GGA2: variants seen among roughly 807,000 people sequenced by gnomAD.
GGA2 encodes golgi associated, gamma adaptin ear containing, ARF binding protein 2, also known as ADP-ribosylation factor-binding protein GGA2.
A neutral mutation model predicts 79.5 loss-of-function variants in GGA2; 48 were observed. The observed-to-expected ratio is 0.60, with a 90% CI of 0.48 to 0.77. The LOEUF is 0.77. Among genes scored for constraint, GGA2 ranks in the 30% least tolerant of loss-of-function variants. The pLI is 0.00. For synonymous variants in GGA2, 317 were observed against 302.0 expected (o/e 1.05, Z -0.51); for missense variants, 770 against 774.0 (o/e 0.99, Z 0.06).
At chr16:23,480,458 G>A (rs946873683) in intron 10 of GGA2, 187 bp downstream of exon 10, 8 of 535,670 alleles carry the variant, frequency 1.5e-5, no homozygotes, top group Non-Finnish European at 2.6e-5. Context: ...GGTCCAGCCC[G>A]GCAACCAGCT....
At chr16:23,495,551 T>G in intron 2 of GGA2, 143 bp downstream of exon 2, 2 of 448,606 alleles carry the variant, frequency 4.5e-6, no homozygotes, top group Non-Finnish European at 4.0e-6. Flanking sequence ...CCTGCCTTGG[T>G]CTCCCAAACT....
At chr16:23,491,079 C>G (rs1048933177) in intron 5 of GGA2, among the ~76,000 whole-genome samples, 3 of 151,576 alleles carry the variant, frequency 2.0e-5, no homozygotes, top group African/African-American at 7.3e-5. Flanking sequence ...GAGACAGAGA[C>G]AGAGAGAGAG....
intron 10 of GGA2, 54 bp downstream of exon 10, chr16:23,480,591 G>A: frequency 6.6e-7 from 1 of 1,517,006 alleles, no homozygotes; most frequent in Admixed American, 1.8e-5. Flanking sequence ...TTCTTTTCTG[G>A]GAATTACAGG....
upstream of GGA2, chr16:23,524,330 A>C: frequency 6.4e-7 from 1 of 1,564,824 alleles, no homozygotes; most frequent in African/African-American, 1.4e-5. Context: ...CTAAGCTCAC[A>C]GGTTCTTAGG....
intron 1 of GGA2, among the ~76,000 whole-genome samples, chr16:23,520,938 T>G (rs1218399089): frequency 6.6e-6 from 1 of 152,076 alleles, no homozygotes; most frequent in South Asian, 2.1e-4. Context: ...ATTATAGGTA[T>G]GTACCACCAC....
intron 2 of GGA2, among the ~76,000 whole-genome samples, 187 bp from the exon 3 acceptor site, chr16:23,494,565 C>T (rs1338983234): frequency 1.3e-5 from 2 of 152,186 alleles, no homozygotes; most frequent in Non-Finnish European, 2.9e-5. Flanking sequence ...CCTGGTTGCA[C>T]CTACAGCACC....
At chr16:23,507,212 C>T (rs181710764) in intron 1 of GGA2, among the ~76,000 whole-genome samples, 25 of 152,156 alleles carry the variant, frequency 1.6e-4, no homozygotes, top group East Asian at 5.8e-4. Context: ...TGAAAACCCA[C>T]GATATTTCAC....
chr16:23,498,036 T>C (rs977178082), intron 1 of GGA2, among the ~76,000 whole-genome samples: 7 of 152,142 alleles, frequency 4.6e-5, no homozygotes, highest in South Asian at 2.1e-4. Flanking sequence ...TCCTAGCACT[T>C]TGGGAGGCCG....
chr16:23,520,041 G>A (rs1446667036), intron 1 of GGA2, among the ~76,000 whole-genome samples: 1 of 152,144 alleles, frequency 6.6e-6, no homozygotes, highest in Non-Finnish European at 1.5e-5. Context: ...GAGGTCGGCA[G>A]TTTGAGACCA....
chr16:23,522,684 T>C (rs900300224), upstream of GGA2: 4 of 152,192 alleles, frequency 2.6e-5, no homozygotes, highest in African/African-American at 9.7e-5. Flanking sequence ...AATAAATATA[T>C]TGTCTACTGC....
In GGA2 at chr16:23,510,244, G is replaced by A. The variant is rs995753761; in HGVS notation, c.91+77C>T. 948 of 977,554 alleles carry A rather than the reference G, an allele frequency of 9.7e-4. 1 individual carries two copies. The highest frequency in any genetic ancestry group is 1.2e-3 in the Non-Finnish European group (878 of 728,254). The allele number at this position is 977,554 out of a possible 1,614,324, so 60.6% of individuals were successfully genotyped here. On this transcript the variant is annotated intron_variant, in intron 1 of 16. Transcript: ENST00000309859. ...CTCCCCTGCGGCCGCCCGCCCCGAA[G>A]CAAGGCCCCGGGAGGCGGGAAGCGA...
At chr16:23,496,652 C>A (rs1049325155) in intron 1 of GGA2, among the ~76,000 whole-genome samples, 20 of 152,064 alleles carry the variant, frequency 1.3e-4, no homozygotes, top group African/African-American at 4.8e-4. Flanking sequence ...AATCACATGC[C>A]TACTAAAATT....
At chr16:23,477,172 G>A (rs1408404500) in intron 13 of GGA2, among the ~76,000 whole-genome samples, 2 of 152,118 alleles carry the variant, frequency 1.3e-5, no homozygotes, top group Non-Finnish European at 2.9e-5. Flanking sequence ...GGCTGGTCTT[G>A]AACTCCAGGG....
rs775115194 is a variant in GGA2, at chr16:23,494,384, G to A, written c.177-6C>T. 2.5e-6 allele frequency: 4 copies of A among 1,603,614 alleles called. No homozygotes were observed. Among genetic ancestry groups the A allele is most frequent in the South Asian group, 2.2e-5 (2 of 90,914 alleles). ...GCCAGGGCGCATGTGTGGGGCTACA[G>A]GGAAACAAAAAGACCTAGACTCTGG... On this transcript the variant is annotated splice_polypyrimidine_tract_variant and splice_region_variant and intron_variant, in intron 2 of 16. Transcript: ENST00000309859.
chr16:23,513,328 G>C (rs147085101), upstream of GGA2, among the ~76,000 whole-genome samples: 1 of 152,076 alleles, frequency 6.6e-6, no homozygotes, highest in South Asian at 2.1e-4. Context: ...AAGGTTCTCT[G>C]ACCTCCTGCC....
upstream of GGA2, among the ~76,000 whole-genome samples, chr16:23,513,073 T>C (rs889572337): frequency 1.3e-5 from 2 of 152,294 alleles, no homozygotes; most frequent in African/African-American, 4.8e-5. Flanking sequence ...GGACCCGGCT[T>C]TCCACATTTC....
intron 13 of GGA2, among the ~76,000 whole-genome samples, chr16:23,478,135 G>A (rs1271881055): frequency 6.7e-6 from 1 of 150,316 alleles, no homozygotes; most frequent in East Asian, 1.9e-4. Flanking sequence ...GGAGGTAAAG[G>A]CTGTAGTGAG....
At chr16:23,497,835 T>C (rs897078976) in intron 1 of GGA2, among the ~76,000 whole-genome samples, 24 of 152,098 alleles carry the variant, frequency 1.6e-4, no homozygotes, top group Admixed American at 8.5e-4. Context: ...TCCTCAACTA[T>C]AAAATAAAGA....
At chr16:23,480,005 C>A in intron 10 of GGA2, 118 bp from the exon 11 acceptor site, 1 of 887,852 alleles carries the variant, frequency 1.1e-6, no homozygotes, top group South Asian at 1.7e-5. Context: ...CCTCCCTGCC[C>A]TTCCAAGAAC....
Sources: allele counts gnomAD v4.1 joint callset (sites outside exome capture counted in the v4.1 genomes callset), GRCh38; gene constraint gnomAD v4.1.1; transcripts MANE v1.5; gene names NCBI Gene and HGNC (gene_info 2026-07-23, HGNC 2026-07-21).